The following ARHGAP42 variants were observed in gnomAD, a reference collection of about 807,000 sequenced individuals.
ARHGAP42 encodes Rho GTPase activating protein 42, also known as rho GTPase-activating protein 42.
A neutral mutation model predicts 125.0 loss-of-function variants in ARHGAP42; 63 were observed. The ratio of observed to expected loss-of-function variants is 0.50; its 90% CI spans 0.41 to 0.62. ARHGAP42 has a LOEUF of 0.62. Ranked by LOEUF, ARHGAP42 falls within the 20% of genes least tolerant of loss-of-function variation. The pLI is 0.00. For synonymous variants in ARHGAP42, 339 were observed against 351.0 expected (o/e 0.97, Z 0.38); for missense variants, 766 against 1,024.2 (o/e 0.75, Z 3.44).
chr11:100,718,058 C>T (rs1046428041), intron 1 of ARHGAP42, among the ~76,000 whole-genome samples: 11 of 152,024 alleles, frequency 7.2e-5, no homozygotes, highest in African/African-American at 2.2e-4. Flanking sequence ...GTTATTACTG[C>T]GAGTCATGGT....
intron 3 of ARHGAP42, among the ~76,000 whole-genome samples, chr11:100,821,116 A>T (rs764696572): frequency 8.5e-5 from 13 of 152,138 alleles, no homozygotes; most frequent in South Asian, 2.1e-4. Context: ...TTTCAAAAAC[A>T]TGGCCTGGTT....
intron 4 of ARHGAP42, among the ~76,000 whole-genome samples, chr11:100,896,900 A>G (rs1221244644): frequency 1.3e-5 from 2 of 152,176 alleles, no homozygotes; most frequent in Admixed American, 6.5e-5. Context: ...TGTTTTAGTC[A>G]TGAAGTCCTT....
At chr11:100,745,912 C>T (rs528043795) in intron 1 of ARHGAP42, among the ~76,000 whole-genome samples, 56 of 152,284 alleles carry the variant, frequency 3.7e-4, no homozygotes, top group Middle Eastern at 3.4e-3. Context: ...TATTTGATTT[C>T]GGGCTTTAAA....
chr11:100,779,568 A>T (rs147441911), intron 2 of ARHGAP42, among the ~76,000 whole-genome samples: 26 of 144,282 alleles, frequency 1.8e-4, no homozygotes, highest in Admixed American at 4.2e-4. Context: ...ATACGTATAT[A>T]TACGTATATA....
At chr11:100,781,180 G>A (rs1028369089) in intron 2 of ARHGAP42, among the ~76,000 whole-genome samples, 1 of 152,004 alleles carries the variant, frequency 6.6e-6, no homozygotes, top group Admixed American at 6.6e-5. Flanking sequence ...TCTTGGTGTG[G>A]AGTAGTTTAC....
intron 3 of ARHGAP42, among the ~76,000 whole-genome samples, chr11:100,813,180 A>G (rs534260422): frequency 6.6e-6 from 1 of 151,962 alleles, no homozygotes; most frequent in South Asian, 2.1e-4. Flanking sequence ...TCTCCACCTC[A>G]GCACTGTTGA....
At chr11:100,781,593 T>TGGG (rs1863312341) in intron 2 of ARHGAP42, among the ~76,000 whole-genome samples, 2 of 151,940 alleles carry the variant, frequency 1.3e-5, no homozygotes, top group African/African-American at 4.8e-5. Context: ...AGATACATCA[T>TGGG]TGTGCAAAAC....
chr11:100,974,251 A>C (rs1308347338), intron 18 of ARHGAP42, among the ~76,000 whole-genome samples: 1 of 152,202 alleles, frequency 6.6e-6, no homozygotes, highest in East Asian at 1.9e-4. Flanking sequence ...TTATTGAAAG[A>C]TCTTCTAGAT....
chr11:100,727,705 G>T (rs1861885743), intron 1 of ARHGAP42, among the ~76,000 whole-genome samples: 1 of 152,156 alleles, frequency 6.6e-6, no homozygotes, highest in African/African-American at 2.4e-5. Context: ...AGAAGCTTGG[G>T]ACTCTTCTGG....
In ARHGAP42 at chr11:100,960,973, C is replaced by T. The variant is rs1857937716; in HGVS notation, c.1284C>T (p.Leu428=). 1.9e-6 allele frequency: 3 copies of T among 1,539,258 alleles called. No individual in the cohort carries two copies. Among genetic ancestry groups the T allele is most frequent in the African/African-American group, 1.4e-5 (1 of 72,756 alleles). The part of the protein sequence containing the change: ...IGGVNSKVQK[L]MNTTFSPKSP... ...GAGTGAACTCCAAAGTTCAAAAACT[C>T]ATGAATACCACATTTTGTAAGTTTT... Residue 428 remains leucine, a synonymous_variant, in exon 14 of 24, where the codon CTC becomes CTT. Coordinates refer to ENST00000298815, the MANE Select transcript of ARHGAP42 (RefSeq NM_152432.4).
chr11:100,841,071 G>T (rs570568262), intron 3 of ARHGAP42, among the ~76,000 whole-genome samples: 6 of 152,034 alleles, frequency 3.9e-5, no homozygotes, highest in Non-Finnish European at 7.4e-5. Flanking sequence ...CATGAAATAC[G>T]GTCTCTTGAT....
At chr11:100,953,986 A>G (rs191848887) in intron 12 of ARHGAP42, among the ~76,000 whole-genome samples, 3 of 9,476 alleles carry the variant, frequency 3.2e-4, no homozygotes, top group African/African-American at 1.1e-3. Flanking sequence ...TAGTTCTGCC[A>G]TTTGAATACA....
At chr11:100,864,821 C>T (rs1865529968) in intron 4 of ARHGAP42, among the ~76,000 whole-genome samples, 1 of 152,076 alleles carries the variant, frequency 6.6e-6, no homozygotes, top group African/African-American at 2.4e-5. Context: ...CCAAACTTAC[C>T]CCTTGAACCA....
At chr11:100,713,951 T>A (rs1333797938) in intron 1 of ARHGAP42, among the ~76,000 whole-genome samples, 1 of 152,230 alleles carries the variant, frequency 6.6e-6, no homozygotes, top group Non-Finnish European at 1.5e-5. Context: ...AAAATTGTTA[T>A]GCCACAATCA....
intron 3 of ARHGAP42, among the ~76,000 whole-genome samples, chr11:100,810,519 T>C: frequency 6.6e-6 from 1 of 152,230 alleles, no homozygotes; most frequent in East Asian, 1.9e-4. Context: ...CAACAGCAGA[T>C]ACACTGCTAT....
intron 1 of ARHGAP42, among the ~76,000 whole-genome samples, chr11:100,751,455 T>C (rs896518001): frequency 3.3e-5 from 5 of 150,956 alleles, no homozygotes; most frequent in African/African-American, 1.2e-4. Context: ...AGCTAATTTA[T>C]ACTTTTTTAT....
At chr11:100,772,053 T>G (rs1162299755) in intron 2 of ARHGAP42, among the ~76,000 whole-genome samples, 1 of 152,172 alleles carries the variant, frequency 6.6e-6, no homozygotes, top group Non-Finnish European at 1.5e-5. Context: ...TTCCTCTTCT[T>G]CCTCTGCCCT....
At chr11:100,802,163 T>A (rs976616256) in intron 3 of ARHGAP42, among the ~76,000 whole-genome samples, 2 of 152,180 alleles carry the variant, frequency 1.3e-5, no homozygotes, top group Non-Finnish European at 2.9e-5. Flanking sequence ...TTTCTTTAGA[T>A]CACAGCTAAC....
At chr11:100,913,626 A>G (rs1402033373) in intron 5 of ARHGAP42, 73 bp downstream of exon 5, 3 of 662,898 alleles carry the variant, frequency 4.5e-6, no homozygotes, top group Non-Finnish European at 6.7e-6. Flanking sequence ...AGGTAAAACT[A>G]TCTCAAAATC....
Sources: allele counts gnomAD v4.1 joint callset (sites outside exome capture counted in the v4.1 genomes callset), GRCh38; gene constraint gnomAD v4.1.1; transcripts MANE v1.5; gene names NCBI Gene and HGNC (gene_info 2026-07-23, HGNC 2026-07-21).